The following SBF2 variants were observed in gnomAD, a reference collection of about 807,000 sequenced individuals.
The protein encoded by SBF2 is SET binding factor 2.
In SBF2, 112 loss-of-function variants were observed where a neutral mutation model predicts 225.2. The observed-to-expected ratio is 0.50, with a 90% CI of 0.43 to 0.58. The LOEUF (loss-of-function observed/expected upper bound fraction) is 0.58. Ranked by LOEUF, SBF2 falls within the 20% of genes least tolerant of loss-of-function variation. The probability of loss-of-function intolerance (pLI) is 0.00; values close to 1 mark genes in which losing one functional copy is unlikely to be tolerated. For missense variants in SBF2, 1,996 were observed against 2,206.2 expected (o/e 0.90, Z 1.91); for synonymous variants, 763 against 773.3 (o/e 0.99, Z 0.22).
At chr11:9,848,145 T>G (rs1440083099) in intron 22 of SBF2, among the ~76,000 whole-genome samples, 1 of 152,132 alleles carries the variant, frequency 6.6e-6, no homozygotes, top group African/African-American at 2.4e-5. Flanking sequence ...GCTCATACAT[T>G]TCTTCATTTA....
intron 3 of SBF2, among the ~76,000 whole-genome samples, chr11:10,041,733 A>G (rs1353978967): frequency 1.3e-5 from 2 of 152,168 alleles, no homozygotes; most frequent in Non-Finnish European, 2.9e-5. Context: ...AATAAACATA[A>G]TCAAAACTAC....
intron 13 of SBF2, among the ~76,000 whole-genome samples, chr11:9,969,157 TAG>T (rs1212606272): frequency 2.0e-5 from 3 of 152,204 alleles, no homozygotes; most frequent in Non-Finnish European, 4.4e-5. Flanking sequence ...ACAAAAAGCT[TAG>T]AGTTATCTTT....
At chr11:9,922,042 T>C (rs542855819) in intron 16 of SBF2, among the ~76,000 whole-genome samples, 1 of 152,182 alleles carries the variant, frequency 6.6e-6, no homozygotes, top group Non-Finnish European at 1.5e-5. Flanking sequence ...GCCCAGGCGT[T>C]TTAAGACCAG....
At chr11:10,024,870 G>A (rs752483935) in intron 6 of SBF2, among the ~76,000 whole-genome samples, 38 of 152,116 alleles carry the variant, frequency 2.5e-4, no homozygotes, top group Non-Finnish European at 2.8e-4. Flanking sequence ...ATTTTTGTCA[G>A]TAAATCTTTG....
intron 17 of SBF2, among the ~76,000 whole-genome samples, chr11:9,895,150 A>T (rs1441483188): frequency 6.6e-6 from 1 of 152,216 alleles, no homozygotes. Flanking sequence ...ATCTAAGCCC[A>T]CCACTAAAAC....
At chr11:9,914,472 C>A (rs193140847) in intron 16 of SBF2, among the ~76,000 whole-genome samples, 4 of 152,246 alleles carry the variant, frequency 2.6e-5, no homozygotes, top group Admixed American at 1.3e-4. Context: ...GATGCTGGCC[C>A]AACTGGACAT....
Position 10,262,648 on chromosome 11 carries a change from G to A in SBF2, c.55+31367C>T, listed in dbSNP as rs569730700. On this transcript the variant is annotated intron_variant, in intron 1 of 39. Transcript: ENST00000256190. ...TATAAATTATTTTATTTTATAAACC[G>A]TAACTTCCAAAAGACAACTGTCAGT... 4.6e-5 allele frequency among the ~76,000 whole-genome samples: 7 copies of A among 152,192 alleles called. No homozygotes were observed. In the South Asian group the frequency reaches 6.2e-4, roughly 14 times the overall value.
At chr11:10,114,293 C>A (rs1953027806) in intron 2 of SBF2, among the ~76,000 whole-genome samples, 1 of 152,152 alleles carries the variant, frequency 6.6e-6, no homozygotes. Flanking sequence ...TGGAACTCAG[C>A]ATCCATCTTC....
intron 17 of SBF2, among the ~76,000 whole-genome samples, chr11:9,861,863 G>T (rs1486588890): frequency 6.6e-6 from 1 of 152,092 alleles, no homozygotes; most frequent in Non-Finnish European, 1.5e-5. Flanking sequence ...CAAACTAAAA[G>T]TTGAATATGC....
At chr11:10,056,737 C>T (rs577463853) in intron 2 of SBF2, among the ~76,000 whole-genome samples, 18 of 151,694 alleles carry the variant, frequency 1.2e-4, no homozygotes, top group Non-Finnish European at 2.5e-4. Context: ...GCCACCCTCG[C>T]CTGAGGTTTC....
intron 17 of SBF2, 24 bp downstream of exon 17, chr11:9,895,919 T>C: frequency 6.5e-7 from 1 of 1,534,270 alleles, no homozygotes; most frequent in Non-Finnish European, 9.0e-7. Flanking sequence ...ATAACAAGCT[T>C]ATATATGGAC....
chr11:9,869,704 T>A (rs1858558260), intron 17 of SBF2, among the ~76,000 whole-genome samples: 1 of 152,120 alleles, frequency 6.6e-6, no homozygotes, highest in African/African-American at 2.4e-5. Context: ...ACATACCTCA[T>A]AATAATGAGA....
chr11:10,284,327 T>C (rs943125275), intron 1 of SBF2, among the ~76,000 whole-genome samples: 13 of 152,224 alleles, frequency 8.5e-5, no homozygotes, highest in Admixed American at 2.0e-4. Context: ...TGAAGATATA[T>C]GTATCCACCA....
At chr11:10,235,488 C>T (rs11607447) in intron 1 of SBF2, among the ~76,000 whole-genome samples, 63,571 of 150,446 alleles carry the variant, frequency 0.42, 14,157 homozygotes, top group Non-Finnish European at 0.49. Flanking sequence ...GATTGTGCCA[C>T]TGCACTCCAG....
At chr11:9,905,374 G>A (rs1474283125) in intron 16 of SBF2, among the ~76,000 whole-genome samples, 1 of 152,154 alleles carries the variant, frequency 6.6e-6, no homozygotes, top group Admixed American at 6.6e-5. Flanking sequence ...AAGAACAGTA[G>A]AACAAATGAT....
intron 28 of SBF2, among the ~76,000 whole-genome samples, chr11:9,818,183 G>A (rs1236338398): frequency 2.0e-5 from 3 of 152,144 alleles, no homozygotes; most frequent in African/African-American, 4.8e-5. Flanking sequence ...GACCTCAGGT[G>A]ATCTGCCTGC....
chr11:9,941,339 A>T (rs536790894), intron 16 of SBF2, among the ~76,000 whole-genome samples: 18 of 152,248 alleles, frequency 1.2e-4, no homozygotes, highest in East Asian at 5.8e-4. Context: ...AAAATAAAAA[A>T]AAAAAAATTA....
chr11:9,798,935 G>C (rs1403711895), intron 32 of SBF2, among the ~76,000 whole-genome samples: 1 of 133,290 alleles, frequency 7.5e-6, no homozygotes, highest in African/African-American at 2.8e-5. Flanking sequence ...CTGGGCAACA[G>C]AGCAAGACTC....
intron 17 of SBF2, among the ~76,000 whole-genome samples, chr11:9,888,036 A>G (rs1366865657): frequency 6.6e-6 from 1 of 152,206 alleles, no homozygotes; most frequent in Non-Finnish European, 1.5e-5. Context: ...GAAAGTCGGC[A>G]TATTTGTATT....
Sources: allele counts gnomAD v4.1 joint callset (sites outside exome capture counted in the v4.1 genomes callset), GRCh38; gene constraint gnomAD v4.1.1; transcripts MANE v1.5; gene names NCBI Gene and HGNC (gene_info 2026-07-23, HGNC 2026-07-21).